GRIP1: variants seen among roughly 807,000 people sequenced by gnomAD.
GRIP1 encodes glutamate receptor interacting protein 1, also known as glutamate receptor-interacting protein 1.
GRIP1 carries 45 observed loss-of-function variants against 129.9 expected under a neutral mutation model. The observed-to-expected ratio is 0.35, with a 90% CI of 0.27 to 0.44. The LOEUF (loss-of-function observed/expected upper bound fraction) is 0.44, where lower values mean the gene tolerates loss of function less well. GRIP1 is among the 20% of genes least tolerant of loss of function. GRIP1 has a pLI of 1.00. For missense variants in GRIP1, 1,196 were observed against 1,396.8 expected, an observed-to-expected ratio of 0.86 and a Z score of 2.29; for synonymous variants, 530 against 520.8, an observed-to-expected ratio of 1.02 and a Z score of -0.24.
intron 7 of GRIP1, among the ~76,000 whole-genome samples, chr12:66,511,263 G>A (rs894345455): frequency 5.3e-5 from 8 of 152,140 alleles, no homozygotes; most frequent in African/African-American, 1.9e-4. Flanking sequence ...AGCCTCCCCA[G>A]CCATGTGGAA....
In GRIP1 at chr12:66,565,238, G is replaced by A. The variant is rs113158048; in HGVS notation, c.137-23288C>T. ...AATGGTATTGCCTAGGTTTTCTTCT[G>A]GGGTTTTTATGGTTTTAGGTCTAAC... On this transcript the variant is annotated intron_variant, in intron 2 of 24. Transcript: ENST00000359742. Among the ~76,000 whole-genome samples, 777 of 151,970 alleles carry A rather than the reference G, an allele frequency of 5.1e-3. 7 individuals are homozygous for A. Among genetic ancestry groups the A allele is most frequent in the African/African-American group, 0.018 (733 of 41,468 alleles).
intron 7 of GRIP1, among the ~76,000 whole-genome samples, chr12:66,497,180 T>C (rs558298697): frequency 1.3e-5 from 2 of 152,228 alleles, no homozygotes; most frequent in Non-Finnish European, 2.9e-5. Context: ...CTTCTGGTAC[T>C]TATTGTCTAA....
intron 1 of GRIP1, among the ~76,000 whole-genome samples, chr12:67,052,883 T>C (rs1219977341): frequency 6.6e-6 from 1 of 152,122 alleles, no homozygotes; most frequent in African/African-American, 2.4e-5. Flanking sequence ...AGAAGTCAAA[T>C]AGTATGTTCA....
intron 1 of GRIP1, among the ~76,000 whole-genome samples, chr12:67,020,238 T>C (rs2042845442): frequency 6.6e-6 from 1 of 152,244 alleles, no homozygotes; most frequent in Non-Finnish European, 1.5e-5. Flanking sequence ...TTGATCTTGC[T>C]TTATTTCACA....
chr12:66,531,465 G>A (rs2061463520), intron 4 of GRIP1, among the ~76,000 whole-genome samples: 1 of 151,736 alleles, frequency 6.6e-6, no homozygotes, highest in South Asian at 2.1e-4. Flanking sequence ...CTCAAGGGAA[G>A]AAACATGATT....
chr12:66,789,774 TTC>T (rs1340668903), intron 1 of GRIP1, among the ~76,000 whole-genome samples: 2 of 152,160 alleles, frequency 1.3e-5, no homozygotes. Flanking sequence ...TCTTAATTTA[TTC>T]TCTGTGACAA....
rs188292992 is a variant in GRIP1 at position 66,434,478 on chromosome 12, A to C, written c.1688-1850T>G. On this transcript the variant is annotated intron_variant, in intron 13 of 24. Transcript: ENST00000359742. ...GTTTATTTATTCACTAAGAATTTGT[A>C]TCCTTTCAATTTCTCAGTAGGACTT... is the stretch of plus-strand genomic sequence containing the variant. 2.7e-3 allele frequency among the ~76,000 whole-genome samples: 414 copies of C among 152,322 alleles called. 2 individuals carry two copies. The highest frequency in any genetic ancestry group is 1.9e-3 in the Non-Finnish European group (129 of 68,028).
chr12:66,986,371 A>G (rs1476841186), intron 1 of GRIP1, among the ~76,000 whole-genome samples: 1 of 151,872 alleles, frequency 6.6e-6, no homozygotes, highest in Non-Finnish European at 1.5e-5. Context: ...ATAAAGACAC[A>G]TGCACACGTA....
intron 1 of GRIP1, among the ~76,000 whole-genome samples, chr12:67,006,266 A>T (rs1328882843): frequency 6.6e-6 from 1 of 152,210 alleles, no homozygotes; most frequent in Non-Finnish European, 1.5e-5. Flanking sequence ...AGGCACCAAC[A>T]TTAAACAAAA....
intron 1 of GRIP1, among the ~76,000 whole-genome samples, chr12:66,657,866 C>G (rs2033257187): frequency 6.6e-6 from 1 of 152,122 alleles, no homozygotes; most frequent in Admixed American, 6.5e-5. Context: ...AGGAGGGATT[C>G]TATTTTAGGG....
rs563987287 is a variant in GRIP1, at chr12:67,065,657, T to C, written c.58+3393A>G. ...AGATAATCTTTCCAAGCATTATGGT[T>C]GATTTTCTATCCTAACTACACATTA... On this transcript the variant is annotated intron_variant, in intron 1 of 1. Coordinates refer to the GRIP1 transcript ENST00000643019. Among the ~76,000 whole-genome samples, 355 of 152,348 alleles carry C rather than the reference T, an allele frequency of 2.3e-3. 4 individuals carry two copies. The highest frequency in any genetic ancestry group is 6.8e-3 in the Middle Eastern group (2 of 294).
intron 1 of GRIP1, among the ~76,000 whole-genome samples, chr12:66,923,640 T>C (rs1329484173): frequency 6.6e-6 from 1 of 152,188 alleles, no homozygotes; most frequent in Admixed American, 6.5e-5. Flanking sequence ...AACCCACTTG[T>C]ACTTTTGAGT....
intron 7 of GRIP1, among the ~76,000 whole-genome samples, chr12:66,469,086 G>A (rs774190628): frequency 3.9e-5 from 6 of 152,162 alleles, no homozygotes; most frequent in Non-Finnish European, 7.3e-5. Flanking sequence ...CATGGTTAAG[G>A]GAAGAGGCAG....
At chr12:66,894,680 G>A (rs1207066304) in intron 1 of GRIP1, among the ~76,000 whole-genome samples, 1 of 152,076 alleles carries the variant, frequency 6.6e-6, no homozygotes, top group African/African-American at 2.4e-5. Flanking sequence ...AAAATGGCAA[G>A]AATTAGATCA....
chr12:66,708,737 G>A (rs2035618116), intron 1 of GRIP1, among the ~76,000 whole-genome samples: 1 of 151,646 alleles, frequency 6.6e-6, no homozygotes, highest in Admixed American at 6.6e-5. Context: ...TGTTACATAG[G>A]TATACATGTG....
chr12:66,963,425 C>T (rs2041951758), intron 1 of GRIP1, among the ~76,000 whole-genome samples: 1 of 152,192 alleles, frequency 6.6e-6, no homozygotes, highest in East Asian at 1.9e-4. Context: ...TTTCATCTAG[C>T]CCTCACAACA....
chr12:66,498,124 T>C (rs1195929271), intron 7 of GRIP1, among the ~76,000 whole-genome samples: 2 of 152,186 alleles, frequency 1.3e-5, no homozygotes, highest in Non-Finnish European at 2.9e-5. Context: ...CTCCCTTCGC[T>C]GACTCCCTTT....
chr12:66,391,522 A>G (rs576919686), intron 19 of GRIP1, among the ~76,000 whole-genome samples: 2 of 152,228 alleles, frequency 1.3e-5, no homozygotes, highest in Non-Finnish European at 1.5e-5. Flanking sequence ...AATCTACTCT[A>G]TACTTTCCTA....
intron 1 of GRIP1, among the ~76,000 whole-genome samples, chr12:66,783,082 G>A (rs1290481142): frequency 1.3e-5 from 2 of 152,006 alleles, no homozygotes; most frequent in East Asian, 3.9e-4. Context: ...CCAGGCTGGA[G>A]TGCAGTGGCA....
Sources: gnomAD v4.1 joint callset for allele counts (sites outside exome capture counted in the v4.1 genomes callset) on GRCh38, gnomAD v4.1.1 for gene constraint, MANE v1.5 for transcripts, NCBI Gene and HGNC (gene_info 2026-07-23, HGNC 2026-07-21) for gene names.